The following GAREM1 variants were observed in gnomAD, a reference collection of about 807,000 sequenced individuals.
The protein encoded by GAREM1 is GRB2 associated regulator of MAPK1 subtype 1.
In GAREM1, 26 loss-of-function variants were observed where a neutral mutation model predicts 71.3. That is an observed-to-expected ratio of 0.36 (90% CI 0.27 to 0.51). The LOEUF (loss-of-function observed/expected upper bound fraction) is 0.51. GAREM1 is among the 20% of genes least tolerant of loss of function. GAREM1 has a pLI of 0.95. For synonymous variants in GAREM1, 440 were observed against 433.2 expected, an observed-to-expected ratio of 1.02 and a Z score of -0.20; for missense variants, 1,026 against 1,103.1, an observed-to-expected ratio of 0.93 and a Z score of 0.99.
chr18:32,404,356 G>A (rs1423058190), intron 1 of GAREM1, among the ~76,000 whole-genome samples: 2 of 151,934 alleles, frequency 1.3e-5, no homozygotes, highest in East Asian at 3.9e-4. Flanking sequence ...AACTACTGAT[G>A]AGTTTTCTCT....
At chr18:32,293,714 T>C (rs182768937) in intron 3 of GAREM1, among the ~76,000 whole-genome samples, 2 of 152,278 alleles carry the variant, frequency 1.3e-5, no homozygotes, top group African/African-American at 4.8e-5. Context: ...GCTTATTCAC[T>C]GCAAGAGGAA....
chr18:32,396,299 C>A (rs2144664087), intron 1 of GAREM1, among the ~76,000 whole-genome samples: 1 of 152,300 alleles, frequency 6.6e-6, no homozygotes, highest in South Asian at 2.1e-4. Context: ...AGCAATGGAA[C>A]AAAGGTGGAC....
intron 1 of GAREM1, chr18:32,412,525 G>A: frequency 6.3e-7 from 1 of 1,596,640 alleles, no homozygotes. Flanking sequence ...TTTCCTCCAT[G>A]ACCGAAGTTG....
Position 32,287,793 on chromosome 18 carries a change from C to A in GAREM1, c.804G>T (p.Gly268=). 1.2e-6 allele frequency: 2 copies of A among 1,613,656 alleles called. No homozygotes were observed. The highest frequency in any genetic ancestry group is 1.7e-4 in the Middle Eastern group (1 of 6,058). Residue 268 remains glycine (G), a synonymous_variant, in exon 4 of 6, where the codon GGG becomes GGT. Transcript: ENST00000269209. This position sits in a 1 kb window ranked among gnomAD's most constrained non-coding sequence, Gnocchi z 5.9. ...GGATGTTCACAAACTTATAGCGGTG[C>A]CCCTCACGGATGAAGTGGAGGTCGT... is the stretch of plus-strand genomic sequence containing the variant. The part of the protein sequence containing the change: ...NPYDLHFIRE[G]HRYKFVNIQT...
chr18:32,461,415 G>A (rs990887482), intron 1 of GAREM1, among the ~76,000 whole-genome samples: 4 of 152,156 alleles, frequency 2.6e-5, no homozygotes, highest in African/African-American at 7.2e-5. Context: ...AATTCATCCT[G>A]CCAGGGGTGG....
chr18:32,451,782 C>A (rs551804215), intron 1 of GAREM1, among the ~76,000 whole-genome samples: 1 of 152,248 alleles, frequency 6.6e-6, no homozygotes, highest in African/African-American at 2.4e-5. Flanking sequence ...CCCTTCAGCA[C>A]TTCCCACTGT....
chr18:32,277,789 A>T (rs1196259256), intron 4 of GAREM1, among the ~76,000 whole-genome samples: 1 of 152,210 alleles, frequency 6.6e-6, no homozygotes, highest in Non-Finnish European at 1.5e-5. Context: ...AAATTGCAAC[A>T]TGTTGAAAAT....
chr18:32,322,302 T>C (rs1381933220), intron 2 of GAREM1, among the ~76,000 whole-genome samples: 1 of 152,126 alleles, frequency 6.6e-6, no homozygotes, highest in Admixed American at 6.5e-5. Flanking sequence ...GGGTGGCACA[T>C]AGGAGATGTG....
chr18:32,464,429 G>C (rs1408907050), intron 1 of GAREM1, among the ~76,000 whole-genome samples: 1 of 152,184 alleles, frequency 6.6e-6, no homozygotes, highest in Non-Finnish European at 1.5e-5. Context: ...TGAGGCCAGA[G>C]GATCATCTGA....
At chr18:32,298,188 G>A (rs960052970) in intron 3 of GAREM1, among the ~76,000 whole-genome samples, 6 of 152,206 alleles carry the variant, frequency 3.9e-5, no homozygotes, top group African/African-American at 1.4e-4. Flanking sequence ...TAACATATGT[G>A]AGCACAATCT....
At chr18:32,409,011 T>C (rs374937085) in intron 1 of GAREM1, among the ~76,000 whole-genome samples, 2 of 152,170 alleles carry the variant, frequency 1.3e-5, no homozygotes, top group African/African-American at 2.4e-5. Context: ...TAAGTCTCCA[T>C]AGTGCCTATC....
At chr18:32,298,332 T>C (rs2047163858) in intron 3 of GAREM1, among the ~76,000 whole-genome samples, 3 of 152,248 alleles carry the variant, frequency 2.0e-5, no homozygotes, top group Admixed American at 6.5e-5. Context: ...ATAAATGCTC[T>C]TTCTTTAGCA....
chr18:32,267,608 C>A lies in GAREM1; in HGVS notation c.*263G>T. 1 of 329,764 alleles carries A rather than the reference C, an allele frequency of 3.0e-6. No individual in the cohort carries two copies. The highest frequency in any genetic ancestry group is 5.5e-6 in the Non-Finnish European group (1 of 182,616). 20.4% of individuals were successfully genotyped at this position (329,764 alleles called of 1,614,324 possible). On this transcript the variant is annotated 3_prime_UTR_variant, in exon 6 of 6. Transcript: ENST00000269209. ...CTTGGGTAAGAATGATTTCTCTGCA[C>A]ATGCCTTTTTTTCTTTTAGCAGCTG...
rs371946503 is a variant in GAREM1 at position 32,288,229 on chromosome 18, C to A, written c.394-26G>T. On this transcript the variant is annotated intron_variant, in intron 3 of 5. Transcript: ENST00000269209. The stretch of plus-strand genomic sequence containing the variant: ...CTACAATATAATAAATCACATTTTA[C>A]GTTCATTTCCTTTGATCTATTCACG... 21 of 1,531,868 alleles carry A rather than the reference C, an allele frequency of 1.4e-5. No homozygotes were observed. The South Asian group carries it at 2.6e-4, about 19-fold the overall frequency. The allele number at this position is 1,531,868 out of a possible 1,614,324, so 94.9% of individuals were successfully genotyped here.
chr18:32,425,184 C>T (rs1313942335), intron 1 of GAREM1, among the ~76,000 whole-genome samples: 2 of 152,130 alleles, frequency 1.3e-5, no homozygotes, highest in Non-Finnish European at 2.9e-5. Context: ...GCTTTTAAAC[C>T]CTATTAACTC....
At chr18:32,326,764 C>A (rs1350864839) in intron 2 of GAREM1, among the ~76,000 whole-genome samples, 1 of 152,202 alleles carries the variant, frequency 6.6e-6, no homozygotes, top group African/African-American at 2.4e-5. Context: ...CCAAATGCCT[C>A]CGCTTTTATT....
At chr18:32,297,132 T>C (rs1041850398) in intron 3 of GAREM1, among the ~76,000 whole-genome samples, 4 of 152,330 alleles carry the variant, frequency 2.6e-5, no homozygotes, top group Admixed American at 6.5e-5. Context: ...AGTGACTGTA[T>C]GGCTTGCAAA....
chr18:32,286,927 A>G, intron 4 of GAREM1, 104 bp downstream of exon 4: 5 of 820,216 alleles, frequency 6.1e-6, no homozygotes, highest in Non-Finnish European at 1.0e-5. Context: ...AAATTTGCTC[A>G]CTCTGCAATC....
chr18:32,465,671 A>G (rs1395795878), intron 1 of GAREM1, among the ~76,000 whole-genome samples: 1 of 152,202 alleles, frequency 6.6e-6, no homozygotes, highest in Non-Finnish European at 1.5e-5. Context: ...CTAGACCAGC[A>G]TTCTTTAAAC....
Sources: gnomAD v4.1 joint callset for allele counts (sites outside exome capture counted in the v4.1 genomes callset) on GRCh38, gnomAD v4.1.1 for gene constraint, Gnocchi (gnomAD v3.1) non-coding constraint, MANE v1.5 for transcripts, NCBI Gene and HGNC (gene_info 2026-07-23, HGNC 2026-07-21) for gene names.